Variants in SI observed in about 807,000 individuals in gnomAD.
SI encodes sucrase-isomaltase.
A neutral mutation model predicts 253.3 loss-of-function variants in SI; 235 were observed. That is an observed-to-expected ratio of 0.93 (90% CI 0.83 to 1.03). SI has a LOEUF of 1.03. Among genes scored for constraint, SI ranks in the 50% least tolerant of loss-of-function variants. SI has a pLI of 0.00. For synonymous variants in SI, 819 were observed against 712.0 expected (o/e 1.15, Z -2.39); for missense variants, 2,442 against 2,211.1 (o/e 1.10, Z -2.09).
At chr3:165,077,873 T>TA (rs936140155) in intron 1 of SI, among the ~76,000 whole-genome samples, 2 of 151,522 alleles carry the variant, frequency 1.3e-5, no homozygotes, top group Non-Finnish European at 3.0e-5. Flanking sequence ...ATTACTGTGA[T>TA]AAAAAAATAT....
intron 15 of SI, among the ~76,000 whole-genome samples, chr3:165,047,244 A>G (rs1029862623): frequency 1.3e-5 from 2 of 151,952 alleles, no homozygotes; most frequent in African/African-American, 4.8e-5. Flanking sequence ...ATGATAGTTA[A>G]TGAGTCTCAT....
In SI at chr3:165,062,449, A is replaced by T; in HGVS notation, c.942T>A (p.Tyr314Ter). ...IFIQPTPIVT[Y>*]RVTGGILDFY... is the part of the protein sequence containing the mutation. ...AATCCAGAATGCCACCGGTAACTCT[A>T]TATGTTACTATTGGAGTAGGCTGGA... The change falls in exon 9 of 48, where the codon TAT (tyrosine) becomes TAA (stop). Residue 314 changes from tyrosine to a stop codon, truncating the protein, a stop_gained. Transcript: ENST00000264382. LOFTEE classifies it high-confidence loss of function. The T allele has an allele frequency of 6.2e-7, 1 of 1,600,956 alleles. No individual in the cohort carries two copies. Among genetic ancestry groups the T allele is most frequent in the Non-Finnish European group, 8.6e-7 (1 of 1,168,668 alleles).
intron 18 of SI, among the ~76,000 whole-genome samples, chr3:165,040,685 C>T (rs2108218455): frequency 6.6e-6 from 1 of 152,120 alleles, no homozygotes; most frequent in East Asian, 1.9e-4. Context: ...AATCTCTTTA[C>T]TGATATAATA....
intron 3 of SI, among the ~76,000 whole-genome samples, chr3:165,072,433 A>T (rs1476593575): frequency 2.0e-5 from 3 of 152,046 alleles, no homozygotes; most frequent in Admixed American, 2.0e-4. Flanking sequence ...AACAACAAAA[A>T]ACCCTGAGTG....
chr3:165,072,077 A>T (rs187495873), intron 3 of SI, among the ~76,000 whole-genome samples: 8 of 152,254 alleles, frequency 5.3e-5, no homozygotes, highest in Admixed American at 2.0e-4. Context: ...TAATTTATAC[A>T]GTAAGTTTAA....
chr3:165,066,217 G>A (rs866747227), intron 6 of SI, among the ~76,000 whole-genome samples: 4 of 151,968 alleles, frequency 2.6e-5, no homozygotes, highest in Middle Eastern at 3.4e-3. Context: ...TATACAAGAA[G>A]ATGTGCATAG....
intron 13 of SI, 65 bp from the exon 14 acceptor site, chr3:165,049,940 C>G (rs1639197835): frequency 2.0e-6 from 2 of 1,010,508 alleles, no homozygotes; most frequent in African/African-American, 1.6e-5. Flanking sequence ...AGCAGAAACT[C>G]TCTAGTTGTT....
At chr3:165,033,542 G>A in intron 22 of SI, 98 bp from the exon 23 acceptor site, 1 of 1,152,122 alleles carries the variant, frequency 8.7e-7, no homozygotes, top group Non-Finnish European at 1.1e-6. Context: ...GAACAAACTA[G>A]ATGCTGTTTA....
In SI at chr3:165,063,548, G is replaced by A; in HGVS notation, c.808-7C>T. On this transcript the variant is annotated splice_polypyrimidine_tract_variant and splice_region_variant and intron_variant, in intron 7 of 47. Transcript: ENST00000264382. ...CGTATAAATTATTATTATTCTATAA[G>A]GCAAGAATTTGAAAATACGATTTTC... 1.6e-6 allele frequency: 2 copies of A among 1,250,334 alleles called. No homozygotes were observed. Among genetic ancestry groups the A allele is most frequent in the Admixed American group, 1.8e-5 (1 of 57,014 alleles). 77.5% of individuals were successfully genotyped at this position (1,250,334 alleles called of 1,614,324 possible). A position where few individuals can be genotyped will look rare whatever the true frequency, so the allele number is the denominator to read the frequency against.
chr3:165,074,640 G>A lies in SI; in HGVS notation c.146C>T (p.Ala49Val). 1.9e-6 allele frequency: 3 copies of A among 1,610,194 alleles called. No individual in the cohort carries two copies. The highest frequency in any genetic ancestry group is 2.5e-6 in the Non-Finnish European group (3 of 1,177,248). Residue 49 changes from alanine (A) to valine (V), a missense_variant, in exon 3 of 48, where the codon GCT becomes GTT. Coordinates refer to ENST00000264382, the MANE Select transcript of SI (RefSeq NM_001041.4). ...AGGATTTGTAGTCACACGAGTAGTA[G>A]CTGGAGTTGAAGTAGAATCACTAAT... ...DEISDSTSTPATTRVTTNPSD... is the reference protein window; with the variant it reads ...DEISDSTSTPVTTRVTTNPSD...
At position 164,992,262 on chromosome 3, in the gene SI, G is replaced by C. The variant is rs774385757; in HGVS notation, c.4927-29C>G. On this transcript the variant is annotated intron_variant, in intron 42 of 47. Coordinates refer to ENST00000264382, the MANE Select transcript of SI (RefSeq NM_001041.4). ...GAATGTAAATAAATAGCCATTAGTT[G>C]TATATAAACCAAAGAAAATTGTGTA... The C allele has an allele frequency of 1.8e-5, 29 of 1,611,288 alleles. No homozygotes were observed. In the East Asian group the frequency reaches 6.5e-4, roughly 36 times the overall value.
chr3:165,066,341 G>A (rs954057495), intron 6 of SI, among the ~76,000 whole-genome samples: 1 of 151,852 alleles, frequency 6.6e-6, no homozygotes, highest in Non-Finnish European at 1.5e-5. Flanking sequence ...TGGATACTGA[G>A]GGAGGTCTGT....
chr3:164,990,187 A>T (rs538248778), intron 44 of SI, among the ~76,000 whole-genome samples: 1 of 152,054 alleles, frequency 6.6e-6, no homozygotes, highest in Non-Finnish European at 1.5e-5. Flanking sequence ...GTAAATGGGA[A>T]ATCTCTGGAC....
intron 26 of SI, among the ~76,000 whole-genome samples, chr3:165,022,622 C>A (rs1377678107): frequency 2.0e-5 from 3 of 150,836 alleles, no homozygotes; most frequent in African/African-American, 7.3e-5. Flanking sequence ...CACACACACA[C>A]AAAATCTTCC....
At chr3:165,084,175 T>G in the SI span, among the ~76,000 whole-genome samples, 2 of 152,026 alleles carry the variant, frequency 1.3e-5, no homozygotes, top group Non-Finnish European at 2.9e-5. Flanking sequence ...TTCCACCTTG[T>G]GAAGTCACAA....
At chr3:165,023,879 G>A (rs1711762686) in intron 25 of SI, 103 bp from the exon 26 acceptor site, 1 of 810,394 alleles carries the variant, frequency 1.2e-6, no homozygotes, top group Admixed American at 2.0e-5. Flanking sequence ...TGATTTACAA[G>A]TTTCATTAAT....
chr3:165,069,653 G>C (rs990767555), intron 3 of SI, among the ~76,000 whole-genome samples: 1 of 151,904 alleles, frequency 6.6e-6, no homozygotes, highest in Non-Finnish European at 1.5e-5. Flanking sequence ...CTACTTACTA[G>C]TTCATATTTA....
chr3:165,018,957 C>A (rs1162281575), intron 28 of SI, among the ~76,000 whole-genome samples: 1 of 151,532 alleles, frequency 6.6e-6, no homozygotes, highest in Non-Finnish European at 1.5e-5. Flanking sequence ...TGAGTATATC[C>A]TTTTAAGTAT....
In SI at chr3:165,032,667, T is replaced by A. The variant is rs1467810812; in HGVS notation, c.2591A>T (p.His864Leu). Residue 864 changes from histidine to leucine, a missense_variant, in exon 24 of 48, where the codon CAT becomes CTT. His to Leu is a moderately conservative substitution (Grantham distance 99). Transcript: ENST00000264382. The stretch of plus-strand genomic sequence containing the variant: ...GGTAGTTCCTTCCTGATATGATGAA[T>A]GTGTGCACACAATATCTAATGTGTT... ...SNNTLDIVCTHSSYQEGTTLA... is the reference protein window; with the variant it reads ...SNNTLDIVCTLSSYQEGTTLA... 6.2e-7 allele frequency: 1 copy of A among 1,605,634 alleles called. No individual in the cohort carries two copies. Among genetic ancestry groups the A allele is most frequent in the Non-Finnish European group, 8.5e-7 (1 of 1,173,760 alleles).
Sources: gnomAD v4.1 joint callset for allele counts (sites outside exome capture counted in the v4.1 genomes callset) on GRCh38, gnomAD v4.1.1 for gene constraint, MANE v1.5 for transcripts, NCBI Gene and HGNC (gene_info 2026-07-23, HGNC 2026-07-21) for gene names.